The following GRIK1 variants were observed in gnomAD, a reference collection of about 807,000 sequenced individuals.
GRIK1 encodes glutamate receptor ionotropic, kainate 1.
Under a neutral mutation model 105.7 loss-of-function variants are expected in GRIK1, and 69 were observed. The observed-to-expected ratio is 0.65, with a 90% CI of 0.54 to 0.80. The LOEUF (loss-of-function observed/expected upper bound fraction) is 0.80, where lower values mean the gene tolerates loss of function less well. Among genes scored for constraint, GRIK1 ranks in the 30% least tolerant of loss-of-function variants. The pLI is 0.00. For missense variants in GRIK1, 1,109 were observed against 1,167.3 expected (o/e 0.95, Z 0.73); for synonymous variants, 438 against 431.3 (o/e 1.02, Z -0.19).
intron 4 of GRIK1, 133 bp from the exon 5 acceptor site, chr21:29,654,996 C>A (rs1568938604): frequency 2.9e-6 from 2 of 686,990 alleles, no homozygotes; most frequent in Non-Finnish European, 5.2e-6. Flanking sequence ...CTCAGCAGAT[C>A]AGAAACCTGA....
intron 3 of GRIK1, among the ~76,000 whole-genome samples, chr21:29,685,861 C>T (rs2063478028): frequency 6.6e-6 from 1 of 152,176 alleles, no homozygotes; most frequent in South Asian, 2.1e-4. Context: ...AATTTCACTT[C>T]CCTAAGTGGA....
In GRIK1 at chr21:29,591,188, G is replaced by T. The variant is rs368238874; in HGVS notation, c.1289C>A (p.Thr430Lys). 3.7e-6 allele frequency: 6 copies of T among 1,609,782 alleles called. No homozygotes were observed. The highest frequency in any genetic ancestry group is 1.7e-5 in the Admixed American group (1 of 60,010). Residue 430 changes from threonine (T) to lysine (K), a missense_variant, in exon 10 of 18, where the codon ACG becomes AAG. Around this residue, in one of 5 missense-constraint regions of GRIK1, gnomAD observed 612 missense variants for 586.0 expected, o/e 1.04. Coordinates refer to ENST00000327783, the MANE Select transcript of GRIK1 (RefSeq NM_001330994.2). The part of the protein sequence containing the change: ...IWNSNSGLNM[T>K]DSNKDKSSNI... The stretch of plus-strand genomic sequence containing the variant: ...GCTGGACTTGTCTTTGTTGCTGTCC[G>T]TCATGTTAAGCCCACTGTTGGAATT...
intron 16 of GRIK1, among the ~76,000 whole-genome samples, chr21:29,539,920 A>G (rs1005660970): frequency 1.3e-5 from 2 of 152,200 alleles, no homozygotes; most frequent in African/African-American, 4.8e-5. Flanking sequence ...TCATCTACAC[A>G]TTACCTTTTA....
At chr21:29,586,429 A>C (rs363478) in intron 12 of GRIK1, among the ~76,000 whole-genome samples, 37,603 of 152,110 alleles carry the variant, frequency 0.25, 5,113 homozygotes, top group Admixed American at 0.36. Flanking sequence ...GACAGTGGAC[A>C]ATGACAAAGA....
At chr21:29,830,381 A>G (rs1367994578) in intron 1 of GRIK1, among the ~76,000 whole-genome samples, 1 of 151,982 alleles carries the variant, frequency 6.6e-6, no homozygotes, top group Non-Finnish European at 1.5e-5. Context: ...ATATTCTTAT[A>G]CAAAACAAAG....
intron 1 of GRIK1, among the ~76,000 whole-genome samples, chr21:29,740,001 C>T (rs2064886212): frequency 6.6e-6 from 1 of 152,174 alleles, no homozygotes; most frequent in South Asian, 2.1e-4. Context: ...CATACACAAA[C>T]ACACTGTTTA....
chr21:29,887,086 C>CGAG (rs781413245), intron 1 of GRIK1, among the ~76,000 whole-genome samples: 1 of 152,072 alleles, frequency 6.6e-6, no homozygotes, highest in Non-Finnish European at 1.5e-5. Context: ...TTATAAGTAT[C>CGAG]GAGGAAGATT....
intron 1 of GRIK1, among the ~76,000 whole-genome samples, chr21:29,731,554 G>A (rs1241796773): frequency 6.6e-6 from 1 of 152,118 alleles, no homozygotes; most frequent in African/African-American, 2.4e-5. Context: ...TAGCTGATCT[G>A]GGCACAACAG....
intron 1 of GRIK1, among the ~76,000 whole-genome samples, chr21:29,746,638 T>C (rs921704037): frequency 3.3e-5 from 5 of 152,208 alleles, no homozygotes; most frequent in Admixed American, 2.6e-4. Context: ...AAAGTGACTA[T>C]GAGAAAAAGT....
At chr21:29,920,068 A>G (rs1433313096) in intron 1 of GRIK1, among the ~76,000 whole-genome samples, 1 of 152,186 alleles carries the variant, frequency 6.6e-6, no homozygotes, top group Non-Finnish European at 1.5e-5. Context: ...ATTTAGGCAA[A>G]GAGAAATATT....
chr21:29,730,201 T>A (rs985490848), intron 1 of GRIK1, among the ~76,000 whole-genome samples: 1 of 152,210 alleles, frequency 6.6e-6, no homozygotes, highest in Non-Finnish European at 1.5e-5. Context: ...CGGTATAAAT[T>A]TATTTTTTCA....
chr21:29,701,339 C>G (rs984751684), intron 1 of GRIK1, among the ~76,000 whole-genome samples: 1 of 152,000 alleles, frequency 6.6e-6, no homozygotes, highest in Non-Finnish European at 1.5e-5. Context: ...TGAGCAAAAG[C>G]CTAAAGATAA....
At chr21:29,939,208 G>C (rs1250569189) in intron 1 of GRIK1, among the ~76,000 whole-genome samples, 175 bp downstream of exon 1, 1 of 152,190 alleles carries the variant, frequency 6.6e-6, no homozygotes, top group African/African-American at 2.4e-5. Flanking sequence ...CCTCCAGGAG[G>C]GAAGCAGTGA....
chr21:29,689,685 C>A, intron 3 of GRIK1, 43 bp downstream of exon 3: 3 of 1,585,408 alleles, frequency 1.9e-6, no homozygotes, highest in Non-Finnish European at 2.6e-6. Context: ...TCTGTTTGTT[C>A]AGAGCAGACA....
chr21:29,749,745 G>A (rs368493881), intron 1 of GRIK1, among the ~76,000 whole-genome samples: 233 of 152,304 alleles, frequency 1.5e-3, no homozygotes, highest in African/African-American at 5.4e-3. Flanking sequence ...ATATTTTAAA[G>A]TCAGAAGAAC....
At chr21:29,807,005 A>G (rs2066879930) in intron 1 of GRIK1, among the ~76,000 whole-genome samples, 1 of 152,174 alleles carries the variant, frequency 6.6e-6, no homozygotes, top group Non-Finnish European at 1.5e-5. Context: ...CCCCATCTTC[A>G]ATCCCTTTTC....
intron 1 of GRIK1, among the ~76,000 whole-genome samples, chr21:29,803,309 T>A (rs1276281418): frequency 6.6e-6 from 1 of 152,218 alleles, no homozygotes; most frequent in African/African-American, 2.4e-5. Context: ...GCTGCAGGGT[T>A]AATTTATTCA....
intron 1 of GRIK1, among the ~76,000 whole-genome samples, chr21:29,895,001 A>T (rs910553314): frequency 2.0e-5 from 3 of 152,206 alleles, no homozygotes; most frequent in African/African-American, 7.2e-5. Context: ...CTGCAAGCAA[A>T]TATTCAATTA....
chr21:29,578,971 C>G (rs1032323427), intron 13 of GRIK1, among the ~76,000 whole-genome samples: 4 of 151,954 alleles, frequency 2.6e-5, no homozygotes, highest in Non-Finnish European at 4.4e-5. Context: ...TAAATTTATT[C>G]TTTCATTATT....
Sources: gnomAD v4.1 joint callset for allele counts (sites outside exome capture counted in the v4.1 genomes callset) on GRCh38, gnomAD v4.1.1 for gene constraint, gnomAD v4.1.1 regional missense constraint, MANE v1.5 for transcripts, NCBI Gene and HGNC (gene_info 2026-07-23, HGNC 2026-07-21) for gene names.